Variants in ACOT9 observed in about 807,000 individuals in gnomAD.
ACOT9 encodes acyl-coenzyme A thioesterase 9, mitochondrial.
A neutral mutation model predicts 39.7 loss-of-function variants in ACOT9; 34 were observed. That is an observed-to-expected ratio of 0.86 (90% CI 0.65 to 1.14). The LOEUF is 1.14. ACOT9 is among the 50% of genes most tolerant of loss of function. The pLI is 0.00. For synonymous variants in ACOT9, 110 were observed against 120.5 expected (o/e 0.91, Z 0.57); for missense variants, 313 against 344.1 (o/e 0.91, Z 0.71).
chrX:23,705,776 G>C lies in ACOT9; in HGVS notation c.925C>G (p.His309Asp), dbSNP rs1487359975. The C allele has an allele frequency of 9.1e-6, 11 of 1,205,930 alleles. No homozygotes were observed. The highest frequency in any genetic ancestry group is 1.1e-5 in the Non-Finnish European group (10 of 891,496). ...TCACTAAATTATAATACCTGAGGGT[G>C]GCAAATTTCCAAACTCTTCAGTTTT... is the stretch of plus-strand genomic sequence containing the variant. ...NSKLKSLEICHPQERNIFNRI... is the reference protein window; with the variant it reads ...NSKLKSLEICDPQERNIFNRI... Residue 309 changes from histidine (H) to aspartate (D), a missense_variant, in exon 12 of 16, where the codon CAC becomes GAC. Physicochemically the swap from His to Asp is moderately conservative, Grantham distance 81. Coordinates refer to ENST00000379303, the MANE Select transcript of ACOT9 (RefSeq NM_001037171.2).
chrX:23,723,975 A>G (rs1446499198), intron 6 of ACOT9, among the ~76,000 whole-genome samples: 1 of 112,234 alleles, frequency 8.9e-6, no homozygotes, highest in Non-Finnish European at 1.9e-5. Context: ...TGAAAAAGAG[A>G]AGAGAGACTG....
intron 6 of ACOT9, among the ~76,000 whole-genome samples, chrX:23,725,755 T>A (rs1336564256): frequency 1.8e-5 from 2 of 110,572 alleles, no homozygotes; most frequent in African/African-American, 6.6e-5. Flanking sequence ...AGGTCAAGGC[T>A]ACAGTGAGCT....
chrX:23,723,396 A>G (rs1460866303), intron 6 of ACOT9, among the ~76,000 whole-genome samples: 1 of 110,628 alleles, frequency 9.0e-6, no homozygotes. Flanking sequence ...CAGGCGGATC[A>G]CGAGGTCGAG....
chrX:23,735,838 C>T (rs1046975494), intron 2 of ACOT9, 81 bp downstream of exon 2: 1 of 849,089 alleles, frequency 1.2e-6, no homozygotes, highest in African/African-American at 2.1e-5. Context: ...TTGCTCTAAA[C>T]TATCACTCTA....
Position 23,705,098 on chromosome X carries a change from A to T in ACOT9, c.1020-18T>A, listed in dbSNP as rs1478710511. The T allele has an allele frequency of 8.4e-7, 1 of 1,187,699 alleles. No homozygotes were observed. Among genetic ancestry groups the T allele is most frequent in the Non-Finnish European group, 1.1e-6 (1 of 877,785 alleles). ...GAGAACCACTGTTGGGGGAAAGGACAGAATTTGGGGTATATTGCAAAATTC... is the reference window on the plus strand; with the variant it reads ...GAGAACCACTGTTGGGGGAAAGGACTGAATTTGGGGTATATTGCAAAATTC... On this transcript the variant is annotated intron_variant, in intron 13 of 15. Coordinates refer to ENST00000379303, the MANE Select transcript of ACOT9 (RefSeq NM_001037171.2).
chrX:23,737,004 G>A (rs1301703358), intron 1 of ACOT9, among the ~76,000 whole-genome samples: 1 of 110,994 alleles, frequency 9.0e-6, no homozygotes, highest in Non-Finnish European at 1.9e-5. Flanking sequence ...AAGAAGGCAA[G>A]GCACTGAATA....
chrX:23,703,942 G>A lies in ACOT9; in HGVS notation c.1299C>T (p.Ser433=). ...LYLDGQRHFN[S]MSGPATLRKD... is the part of the protein sequence containing the mutation. ...TTCTCAAGGTCGCTGGGCCACTCAT[G>A]GAGTTGAAATGCCGCTGCCCATCTA... The change falls in exon 16 of 16, where the codon TCC becomes TCT. Residue 433 remains serine, a synonymous_variant. Transcript: ENST00000379303. 1 of 1,211,379 alleles carries A rather than the reference G, an allele frequency of 8.3e-7. No individual in the cohort carries two copies. Among genetic ancestry groups the A allele is most frequent in the Non-Finnish European group, 1.1e-6 (1 of 895,226 alleles).
At chrX:23,716,851 A>C (rs1260151782) in intron 8 of ACOT9, among the ~76,000 whole-genome samples, 2 of 108,681 alleles carry the variant, frequency 1.8e-5, no homozygotes, top group Admixed American at 9.9e-5. Flanking sequence ...CACACCAGCT[A>C]ATTTTTTGTA....
chrX:23,725,947 C>T (rs1929506416), intron 6 of ACOT9, among the ~76,000 whole-genome samples: 1 of 111,133 alleles, frequency 9.0e-6, no homozygotes, highest in Non-Finnish European at 1.9e-5. Context: ...GTCTGTAATC[C>T]CAGCACTTTG....
intron 11 of ACOT9, 60 bp downstream of exon 11, chrX:23,706,558 CAAAAAAAAAA>C (rs35002168): frequency 3.0e-5 from 8 of 263,832 alleles, no homozygotes; most frequent in African/African-American, 1.2e-4. Flanking sequence ...AACTCCGTCT[CAAAAAAAAAA>C]AAAAAAAAAA....
At chrX:23,740,114 A>C (rs1366317228) in intron 1 of ACOT9, among the ~76,000 whole-genome samples, 1 of 50,349 alleles carries the variant, frequency 2.0e-5, no homozygotes, top group Non-Finnish European at 3.0e-5. Flanking sequence ...GGTAATGGTA[A>C]CTTTTTTTTT....
chrX:23,725,812 G>A (rs1028131789), intron 6 of ACOT9, among the ~76,000 whole-genome samples: 9 of 109,722 alleles, frequency 8.2e-5, no homozygotes, highest in African/African-American at 3.0e-4. Context: ...GTGAGACCCT[G>A]TCTCAAAAAC....
chrX:23,724,086 A>G (rs1325360092), intron 6 of ACOT9, among the ~76,000 whole-genome samples: 1 of 109,775 alleles, frequency 9.1e-6, no homozygotes, highest in Non-Finnish European at 1.9e-5. Flanking sequence ...AACACAGCAG[A>G]GACTCCATCT....
chrX:23,714,812 T>C (rs1279344492), intron 8 of ACOT9, among the ~76,000 whole-genome samples: 1 of 110,366 alleles, frequency 9.1e-6, no homozygotes, highest in Non-Finnish European at 1.9e-5. Flanking sequence ...GATGGGGTTT[T>C]CCATGTTACC....
In ACOT9 at chrX:23,733,219, T is replaced by A; in HGVS notation, c.146-2A>T. ...CTATCTCCCGCAACTTATCTCGAAC[T>A]GAAACAAAAATAAAGAGGTCATTCC... On this transcript the variant is annotated splice_acceptor_variant, in intron 3 of 15. Coordinates refer to ENST00000379303, the MANE Select transcript of ACOT9 (RefSeq NM_001037171.2). LOFTEE classifies it high-confidence loss of function. 8.3e-7 allele frequency: 1 copy of A among 1,205,828 alleles called. No individual in the cohort carries two copies. The highest frequency in any genetic ancestry group is 1.1e-6 in the Non-Finnish European group (1 of 890,878).
chrX:23,733,294 T>C, intron 3 of ACOT9, 77 bp from the exon 4 acceptor site: 1 of 903,453 alleles, frequency 1.1e-6, no homozygotes, highest in Non-Finnish European at 1.6e-6. Context: ...GCTCAAGAAC[T>C]ACAAAAAGCA....
At chrX:23,738,249 G>A (rs1471823323) in intron 1 of ACOT9, among the ~76,000 whole-genome samples, 1 of 109,944 alleles carries the variant, frequency 9.1e-6, no homozygotes, top group Non-Finnish European at 1.9e-5. Context: ...TTTGTTTTAT[G>A]TATCTTCTAT....
chrX:23,727,502 T>C (rs1052491055), intron 6 of ACOT9, among the ~76,000 whole-genome samples: 16 of 108,623 alleles, frequency 1.5e-4, no homozygotes, highest in African/African-American at 4.7e-4. Context: ...ATTTTTTGGG[T>C]TTTGTAGAGA....
intron 3 of ACOT9, 87 bp downstream of exon 3, chrX:23,734,254 T>A: frequency 3.7e-6 from 3 of 800,751 alleles, no homozygotes; most frequent in Non-Finnish European, 5.4e-6. Context: ...TTTTAGTTAA[T>A]GCCACTGCCC....
Sources: allele counts gnomAD v4.1 joint callset (sites outside exome capture counted in the v4.1 genomes callset), GRCh38; gene constraint gnomAD v4.1.1; transcripts MANE v1.5; gene names NCBI Gene and HGNC (gene_info 2026-07-23, HGNC 2026-07-21).